MAML2: variants seen among roughly 807,000 people sequenced by gnomAD.
MAML2 encodes the protein mastermind-like protein 2.
MAML2 carries 22 observed loss-of-function variants against 96.1 expected under a neutral mutation model. That is an observed-to-expected ratio of 0.23 (90% CI 0.16 to 0.33). The LOEUF is 0.33. Among genes scored for constraint, MAML2 ranks in the 10% least tolerant of loss-of-function variants. The probability of loss-of-function intolerance (pLI) is 1.00; values close to 1 mark genes in which losing one functional copy is unlikely to be tolerated. For missense variants in MAML2, 1,367 were observed against 1,392.4 expected, an observed-to-expected ratio of 0.98 and a Z score of 0.29; for synonymous variants, 561 against 521.3, an observed-to-expected ratio of 1.08 and a Z score of -1.04.
Position 96,092,090 on chromosome 11 carries a change from C to G in MAML2, c.1941G>C (p.Gln647His). 2 of 1,543,332 alleles carry G rather than the reference C, an allele frequency of 1.3e-6. No individual in the cohort carries two copies. The highest frequency in any genetic ancestry group is 1.2e-5 in the South Asian group (1 of 83,856). The change falls in exon 2 of 5, where the codon CAG becomes CAC. Residue 647 changes from glutamine to histidine, a missense_variant. Gln to His is a conservative substitution (Grantham distance 24). Coordinates refer to ENST00000524717, the MANE Select transcript of MAML2 (RefSeq NM_032427.4). The surrounding 1 kb of genome is among the most constrained non-coding windows in gnomAD (Gnocchi z 4.1). ...SAQQQQQQQQ[Q>H]QQQQQQQQQQ... ...GCTGTTGTTGTTGCTGCTGCTGCTG[C>G]TGTTGTTGCTGCTGCTGCTGCTGTT...
At chr11:95,992,299 TCAA>T (rs1244897608) in intron 2 of MAML2, among the ~76,000 whole-genome samples, 7 of 152,132 alleles carry the variant, frequency 4.6e-5, no homozygotes, top group African/African-American at 1.7e-4. Context: ...TGTTCCGCAG[TCAA>T]CAATTCAGGT....
intron 1 of MAML2, among the ~76,000 whole-genome samples, chr11:96,115,075 T>C (rs746994846): frequency 6.6e-6 from 1 of 152,042 alleles, no homozygotes; most frequent in Non-Finnish European, 1.5e-5. Context: ...GGGAATTGCA[T>C]ACAAAGATCC....
intron 1 of MAML2, among the ~76,000 whole-genome samples, chr11:96,283,568 TGGAGAAA>T (rs1863099493): frequency 6.6e-6 from 1 of 152,212 alleles, no homozygotes; most frequent in Admixed American, 6.5e-5. Context: ...AGTATCTAAC[TGGAGAAA>T]TCTTTAAACA....
intron 1 of MAML2, among the ~76,000 whole-genome samples, chr11:96,210,402 C>G (rs1258715445): frequency 6.6e-6 from 1 of 152,188 alleles, no homozygotes. Context: ...AGCCACTGTG[C>G]CCACCTGCCT....
At chr11:96,219,112 A>T (rs1042036883) in intron 1 of MAML2, among the ~76,000 whole-genome samples, 1 of 152,182 alleles carries the variant, frequency 6.6e-6, no homozygotes, top group Admixed American at 6.5e-5. Flanking sequence ...GACAGTGGAG[A>T]TTAACCAGTC....
At chr11:96,094,724 C>A (rs1565213233) in intron 1 of MAML2, among the ~76,000 whole-genome samples, 1 of 152,126 alleles carries the variant, frequency 6.6e-6, no homozygotes, top group Admixed American at 6.5e-5. Context: ...AGTGAGAGAC[C>A]ATATCTACCA....
At chr11:96,278,657 C>T (rs1286397473) in intron 1 of MAML2, among the ~76,000 whole-genome samples, 1 of 152,100 alleles carries the variant, frequency 6.6e-6, no homozygotes, top group Non-Finnish European at 1.5e-5. Flanking sequence ...CTTTACTAAA[C>T]AGAAACTGGA....
intron 3 of MAML2, among the ~76,000 whole-genome samples, chr11:95,990,060 A>G (rs887409034): frequency 6.6e-6 from 1 of 152,096 alleles, no homozygotes; most frequent in Non-Finnish European, 1.5e-5. Context: ...TTCAAAATCA[A>G]TGTCAAATTT....
intron 1 of MAML2, among the ~76,000 whole-genome samples, chr11:96,224,672 C>G (rs1005909404): frequency 4.6e-5 from 7 of 152,236 alleles, no homozygotes; most frequent in African/African-American, 1.7e-4. Flanking sequence ...CTCAGCTTCT[C>G]TGGGACAGAT....
chr11:96,258,823 G>A (rs899260403), intron 1 of MAML2, among the ~76,000 whole-genome samples: 7 of 152,320 alleles, frequency 4.6e-5, no homozygotes, highest in Non-Finnish European at 1.0e-4. Context: ...GCAGCATGAT[G>A]TACTCAGACT....
At position 96,148,659 on chromosome 11, in the gene MAML2, TACACACACACACACACACACAC is replaced by T. The variant is rs58470055; in HGVS notation, c.514-55164_514-55143del. Among the ~76,000 whole-genome samples the T allele has an allele frequency of 3.8e-3, 497 of 131,958 alleles. 2 individuals are homozygous for T. Among genetic ancestry groups the T allele is most frequent in the Middle Eastern group, 0.012 (3 of 252 alleles). The allele number at this position is 131,958 out of a possible 152,430, so 86.6% of individuals were successfully genotyped here. A position where few individuals can be genotyped will look rare whatever the true frequency, so the allele number is the denominator to read the frequency against. On this transcript the variant is annotated intron_variant, in intron 1 of 4. Coordinates refer to ENST00000524717, the MANE Select transcript of MAML2 (RefSeq NM_032427.4). ...TGAAAAGTCTGAAAATTCTGAAAAA[TACACACACACACACACACACAC>T]ACACACACACACACACACACACACA...
chr11:96,195,791 T>C (rs1400194048), intron 1 of MAML2, among the ~76,000 whole-genome samples: 1 of 152,202 alleles, frequency 6.6e-6, no homozygotes, highest in Non-Finnish European at 1.5e-5. Context: ...ATTAGCAGTT[T>C]ATGAGAAAAT....
At chr11:96,002,386 G>A (rs919124467) in intron 2 of MAML2, among the ~76,000 whole-genome samples, 6 of 152,218 alleles carry the variant, frequency 3.9e-5, no homozygotes, top group Admixed American at 3.3e-4. Context: ...GAAAGGCAAA[G>A]GTTGAGCAAC....
At chr11:96,268,399 A>G (rs1218388020) in intron 1 of MAML2, among the ~76,000 whole-genome samples, 1 of 152,196 alleles carries the variant, frequency 6.6e-6, no homozygotes, top group Non-Finnish European at 1.5e-5. Context: ...AAGTGAGAGG[A>G]TGGCTTGAGC....
rs573500938 is a variant in MAML2, at chr11:95,990,247, T to G, written c.2343+1273A>C. ...ATAATGCAAATCTGAATCTAGTACT[T>G]CCCCTTGTGTTAAATCCTTAAAATC... On this transcript the variant is annotated intron_variant, in intron 3 of 4. Transcript: ENST00000524717. Among the ~76,000 whole-genome samples the G allele has an allele frequency of 7.2e-5, 11 of 152,276 alleles. No homozygotes were observed. The South Asian group carries it at 2.3e-3, about 32-fold the overall frequency.
chr11:96,149,690 C>A (rs528517595), intron 1 of MAML2, among the ~76,000 whole-genome samples: 2 of 152,110 alleles, frequency 1.3e-5, no homozygotes. Flanking sequence ...GCTGAGATCA[C>A]GCCACTGCAC....
chr11:96,199,842 G>C (rs1435124389), intron 1 of MAML2, among the ~76,000 whole-genome samples: 1 of 152,112 alleles, frequency 6.6e-6, no homozygotes, highest in Non-Finnish European at 1.5e-5. Context: ...AAAAGTTTCC[G>C]CATTTTCTAT....
chr11:96,149,713 G>A (rs532493534), intron 1 of MAML2, among the ~76,000 whole-genome samples: 3 of 152,242 alleles, frequency 2.0e-5, no homozygotes, highest in East Asian at 3.9e-4. Context: ...CAGCCCAGGC[G>A]ACAGAGTGAG....
intron 1 of MAML2, among the ~76,000 whole-genome samples, chr11:96,131,839 G>A (rs574167482): frequency 7.2e-5 from 11 of 152,166 alleles, no homozygotes; most frequent in African/African-American, 1.2e-4. Flanking sequence ...GTGAAACACC[G>A]TCTCTACTAA....
Sources: allele counts gnomAD v4.1 joint callset (sites outside exome capture counted in the v4.1 genomes callset), GRCh38; gene constraint gnomAD v4.1.1; non-coding constraint Gnocchi (gnomAD v3.1); transcripts MANE v1.5; gene names NCBI Gene and HGNC (gene_info 2026-07-23, HGNC 2026-07-21).